Variants in TACC2 observed in about 807,000 individuals in gnomAD.
TACC2 encodes the protein transforming acidic coiled-coil-containing protein 2.
A neutral mutation model predicts 227.3 loss-of-function variants in TACC2; 137 were observed. The ratio of observed to expected loss-of-function variants is 0.60; its 90% CI spans 0.52 to 0.69. The LOEUF (loss-of-function observed/expected upper bound fraction) is 0.69, where lower values mean the gene tolerates loss of function less well. Ranked by LOEUF, TACC2 falls within the 30% of genes least tolerant of loss-of-function variation. TACC2 has a pLI of 0.00. For missense variants in TACC2, 3,470 were observed against 3,694.4 expected, an observed-to-expected ratio of 0.94 and a Z score of 1.57; for synonymous variants, 1,523 against 1,487.5, an observed-to-expected ratio of 1.02 and a Z score of -0.55.
At chr10:122,047,935 C>G (rs1320859523) in intron 2 of TACC2, among the ~76,000 whole-genome samples, 1 of 152,140 alleles carries the variant, frequency 6.6e-6, no homozygotes, top group African/African-American at 2.4e-5. Context: ...GATGAAGCAT[C>G]TTTTATGTTT....
At chr10:122,031,945 T>C (rs1348800942) in intron 2 of TACC2, among the ~76,000 whole-genome samples, 1 of 151,866 alleles carries the variant, frequency 6.6e-6, no homozygotes, top group Non-Finnish European at 1.5e-5. Flanking sequence ...TGACCTCAGG[T>C]GATCCTCCCA....
intron 3 of TACC2, among the ~76,000 whole-genome samples, chr10:122,053,382 C>G (rs1266526479): frequency 2.0e-5 from 3 of 151,972 alleles, no homozygotes; most frequent in Admixed American, 2.0e-4. Context: ...CAGTCACCCC[C>G]CCAGGTCCCT....
At chr10:122,188,226 T>G (rs2094281419) in intron 7 of TACC2, among the ~76,000 whole-genome samples, 1 of 152,194 alleles carries the variant, frequency 6.6e-6, no homozygotes, top group Non-Finnish European at 1.5e-5. Context: ...CAGATGTGGT[T>G]CCTTAGCCTC....
chr10:122,010,052 C>A (rs1016366422), intron 1 of TACC2, among the ~76,000 whole-genome samples: 5 of 152,224 alleles, frequency 3.3e-5, no homozygotes, highest in African/African-American at 7.2e-5. Context: ...TATGATGTCA[C>A]ATGGAAGGCA....
chr10:122,163,401 C>G, intron 7 of TACC2: 2 of 224,084 alleles, frequency 8.9e-6, no homozygotes, highest in Non-Finnish European at 7.5e-6. Flanking sequence ...GGCCGCGGCT[C>G]GTTTGCATTT....
intron 5 of TACC2, among the ~76,000 whole-genome samples, chr10:122,102,290 G>A (rs765264220): frequency 1.3e-5 from 2 of 152,088 alleles, no homozygotes; most frequent in African/African-American, 4.8e-5. Context: ...TTCAAAGTTC[G>A]CCAGGTATTT....
intron 1 of TACC2, among the ~76,000 whole-genome samples, chr10:122,020,958 G>A (rs1474177481): frequency 1.3e-5 from 2 of 152,142 alleles, no homozygotes; most frequent in African/African-American, 2.4e-5. Context: ...TAGGCCGGGC[G>A]CGGTGGCTCA....
At chr10:122,108,404 G>A (rs11200400) in intron 5 of TACC2, among the ~76,000 whole-genome samples, 2 of 116,818 alleles carry the variant, frequency 1.7e-5, no homozygotes, top group Non-Finnish European at 3.8e-5. Context: ...CTCTCTCTAT[G>A]TGTGTGTGTG....
intron 9 of TACC2, chr10:122,213,521 G>A: frequency 1.3e-6 from 1 of 785,058 alleles, no homozygotes; most frequent in Non-Finnish European, 2.2e-6. Flanking sequence ...TGGGGCATGG[G>A]GCTCCCCAGT....
At chr10:122,089,701 TA>T in intron 5 of TACC2, among the ~76,000 whole-genome samples, 1 of 152,234 alleles carries the variant, frequency 6.6e-6, no homozygotes, top group African/African-American at 2.4e-5. Flanking sequence ...GACTTTAAAT[TA>T]GTACCTGTGT....
At chr10:122,216,507 AGCAT>A in intron 10 of TACC2, 116 bp from the exon 11 acceptor site, 1 of 884,602 alleles carries the variant, frequency 1.1e-6, no homozygotes, top group Non-Finnish European at 1.7e-6. Flanking sequence ...GTCTGAGAAG[AGCAT>A]GCAGAGGATT....
In TACC2 at chr10:122,210,635, G is replaced by A. The variant is rs549215108; in HGVS notation, c.6210G>A (p.Arg2070=). 6.2e-7 allele frequency: 1 copy of A among 1,613,900 alleles called. No homozygotes were observed. Among genetic ancestry groups the A allele is most frequent in the African/African-American group, 1.3e-5 (1 of 74,890 alleles). The change falls in exon 9 of 23, where the codon AGG becomes AGA. Residue 2070 remains arginine, a synonymous_variant. Coordinates refer to ENST00000369005, the MANE Select transcript of TACC2 (RefSeq NM_206862.4). This position sits in a 1 kb window ranked among gnomAD's most constrained non-coding sequence, Gnocchi z 4.6. ...AGGAGGGCAAAGTGAACACACGGAG[G>A]AAGTCCACGGATTCCGTCCCCATCT... ...KNQEGKVNTR[R]KSTDSVPISK...
rs888310006 is a variant in TACC2, at chr10:122,213,476, C to T, written c.7283+1768C>T. 22 of 1,237,394 alleles carry T rather than the reference C, an allele frequency of 1.8e-5. No individual in the cohort carries two copies. In the African/African-American group the frequency reaches 3.3e-4, roughly 18 times the overall value. 76.7% of individuals were successfully genotyped at this position (1,237,394 alleles called of 1,614,324 possible). A position where few individuals can be genotyped will look rare whatever the true frequency, so the allele number is the denominator to read the frequency against. The stretch of plus-strand genomic sequence containing the variant: ...GCCATTTTTATTTCCCCTCTGGCTG[C>T]TACTGATGTGTTTCTGTGGTGGGCC... On this transcript the variant is annotated intron_variant, in intron 9 of 22. Coordinates refer to ENST00000369005, the MANE Select transcript of TACC2 (RefSeq NM_206862.4).
At chr10:122,037,536 A>G (rs1412652752) in intron 2 of TACC2, among the ~76,000 whole-genome samples, 2 of 152,214 alleles carry the variant, frequency 1.3e-5, no homozygotes, top group Non-Finnish European at 2.9e-5. Context: ...TAACCGGCCA[A>G]TTGGAAACTG....
At chr10:122,234,740 C>A (rs970579462) in intron 16 of TACC2, among the ~76,000 whole-genome samples, 1 of 151,978 alleles carries the variant, frequency 6.6e-6, no homozygotes, top group Admixed American at 6.6e-5. Context: ...TTTTTTCATT[C>A]CCTTTCTTGT....
intron 2 of TACC2, chr10:122,033,228 G>A: frequency 9.9e-7 from 1 of 1,010,328 alleles, no homozygotes; most frequent in Admixed American, 2.3e-5. Flanking sequence ...GCAAACATTT[G>A]GTGTGTCATG....
chr10:122,129,060 A>AATTATTATTATTATTATTATT (rs34221080), intron 5 of TACC2, among the ~76,000 whole-genome samples: 6 of 128,554 alleles, frequency 4.7e-5, no homozygotes, highest in Admixed American at 1.6e-4. Flanking sequence ...ATCTTATTTT[A>AATTATTATTATTATTATTATT]ATTATTATTA....
At position 122,086,349 on chromosome 10, in the gene TACC2, C is replaced by T; in HGVS notation, c.3849C>T (p.Ser1283=). 6.2e-7 allele frequency: 1 copy of T among 1,613,770 alleles called. No homozygotes were observed. The highest frequency in any genetic ancestry group is 1.7e-5 in the Admixed American group (1 of 60,032). Residue 1283 remains serine, a synonymous_variant, in exon 4 of 23, where the codon TCC becomes TCT. Coordinates refer to ENST00000369005, the MANE Select transcript of TACC2 (RefSeq NM_206862.4). ...CACTTGCCTTGGAAAATGCTGCCTC[C>T]TTGAAGCTGTTTGCTGGCTCCCTCG... ...EPPLALENAA[S]LKLFAGSLAP...
chr10:122,185,759 G>A (rs959648540), intron 7 of TACC2, among the ~76,000 whole-genome samples: 1 of 152,180 alleles, frequency 6.6e-6, no homozygotes, highest in Non-Finnish European at 1.5e-5. Context: ...GATGGGTAAG[G>A]GGGTACTGGT....
Sources: allele counts gnomAD v4.1 joint callset (sites outside exome capture counted in the v4.1 genomes callset), GRCh38; gene constraint gnomAD v4.1.1; non-coding constraint Gnocchi (gnomAD v3.1); transcripts MANE v1.5; gene names NCBI Gene and HGNC (gene_info 2026-07-23, HGNC 2026-07-21).